The following LYPLAL1 variants were observed in gnomAD, a reference collection of about 807,000 sequenced individuals.
The protein encoded by LYPLAL1 is lysophospholipase-like protein 1.
In LYPLAL1, 23 loss-of-function variants were observed where a neutral mutation model predicts 19.7. The observed-to-expected ratio is 1.17, with a 90% CI of 0.84 to 1.65. The LOEUF is 1.65. Among genes scored for constraint, LYPLAL1 ranks in the 40% most tolerant of loss-of-function variants. The pLI, the probability that LYPLAL1 is intolerant of heterozygous loss-of-function variation, is 0.00. For missense variants in LYPLAL1, 355 were observed against 279.4 expected, an observed-to-expected ratio of 1.27 and a Z score of -1.93; for synonymous variants, 119 against 96.3, an observed-to-expected ratio of 1.24 and a Z score of -1.38.
chr1:219,219,369 C>T, the LYPLAL1 span, among the ~76,000 whole-genome samples: 2 of 152,134 alleles, frequency 1.3e-5, no homozygotes, highest in Non-Finnish European at 2.9e-5. Context: ...TGTGTTATTT[C>T]CTTAAATGCC....
At chr1:219,395,204 T>C in the LYPLAL1 span, among the ~76,000 whole-genome samples, 2 of 152,210 alleles carry the variant, frequency 1.3e-5, no homozygotes, top group African/African-American at 4.8e-5. Context: ...CGCCAAATTG[T>C]TTTCCATAAT....
chr1:219,220,684 TGAG>T, the LYPLAL1 span, among the ~76,000 whole-genome samples: 2 of 152,132 alleles, frequency 1.3e-5, no homozygotes, highest in Non-Finnish European at 2.9e-5. Flanking sequence ...AGTCGATTTT[TGAG>T]GAGAACGCCC....
chr1:219,262,478 G>T, the LYPLAL1 span, among the ~76,000 whole-genome samples: 1 of 152,084 alleles, frequency 6.6e-6, no homozygotes, highest in African/African-American at 2.4e-5. Flanking sequence ...CAGAGGAAAA[G>T]TCTGGAACTC....
the LYPLAL1 span, among the ~76,000 whole-genome samples, chr1:219,276,949 C>T: frequency 1.3e-5 from 2 of 152,130 alleles, no homozygotes; most frequent in South Asian, 2.1e-4. Flanking sequence ...CTAAGTTGCA[C>T]CATGGACTTG....
the LYPLAL1 span, among the ~76,000 whole-genome samples, chr1:219,245,472 C>T: frequency 2.0e-5 from 3 of 152,136 alleles, no homozygotes; most frequent in Non-Finnish European, 4.4e-5. Flanking sequence ...TCAACACAGG[C>T]ATTGAAATAA....
At chr1:219,266,800 C>T in the LYPLAL1 span, among the ~76,000 whole-genome samples, 3 of 152,070 alleles carry the variant, frequency 2.0e-5, no homozygotes, top group African/African-American at 7.2e-5. Flanking sequence ...ATATGCAGTC[C>T]GTTGTTGATG....
At chr1:219,325,716 T>C in the LYPLAL1 span, among the ~76,000 whole-genome samples, 1 of 152,218 alleles carries the variant, frequency 6.6e-6, no homozygotes, top group Admixed American at 6.5e-5. Flanking sequence ...CTGATTTAAT[T>C]GAGTGAATTA....
rs1657313871 is a variant in LYPLAL1, at chr1:219,193,066, G to T, written c.192-16G>T. 1.3e-6 allele frequency: 2 copies of T among 1,519,552 alleles called. No individual in the cohort carries two copies. Among genetic ancestry groups the T allele is most frequent in the Non-Finnish European group, 1.8e-6 (2 of 1,127,342 alleles). The allele number at this position is 1,519,552 out of a possible 1,614,324, so 94.1% of individuals were successfully genotyped here. A position where few individuals can be genotyped will look rare whatever the true frequency, so the allele number is the denominator to read the frequency against. ...TTTCCTTTCTTTTTTTTTGGGGGGGGGCGGTTGTTAAACAGATCATATACT... is the reference window on the plus strand; with the variant it reads ...TTTCCTTTCTTTTTTTTTGGGGGGGTGCGGTTGTTAAACAGATCATATACT... On this transcript the variant is annotated splice_polypyrimidine_tract_variant and intron_variant, in intron 2 of 4. Coordinates refer to ENST00000366928, the MANE Select transcript of LYPLAL1 (RefSeq NM_138794.5).
At chr1:219,412,838 A>G in the LYPLAL1 span, among the ~76,000 whole-genome samples, 33 of 152,240 alleles carry the variant, frequency 2.2e-4, no homozygotes, top group Non-Finnish European at 3.5e-4. Flanking sequence ...CTAAGAATTT[A>G]CATTAAGTAC....
At chr1:219,425,417 G>C in the LYPLAL1 span, among the ~76,000 whole-genome samples, 3 of 152,214 alleles carry the variant, frequency 2.0e-5, no homozygotes, top group Non-Finnish European at 2.9e-5. Flanking sequence ...AATATAAGCA[G>C]TAAGGTGCCA....
the LYPLAL1 span, among the ~76,000 whole-genome samples, chr1:219,309,106 C>A: frequency 1.3e-5 from 2 of 152,164 alleles, no homozygotes; most frequent in African/African-American, 2.4e-5. Context: ...CAAGGGCGAT[C>A]ATTTTGGAGC....
chr1:219,323,049 T>C, the LYPLAL1 span, among the ~76,000 whole-genome samples: 1 of 152,218 alleles, frequency 6.6e-6, no homozygotes, highest in Non-Finnish European at 1.5e-5. Flanking sequence ...TTAATTTCTA[T>C]AAGCAAGCAC....
chr1:219,380,549 A>C, the LYPLAL1 span, among the ~76,000 whole-genome samples: 4 of 152,216 alleles, frequency 2.6e-5, no homozygotes, highest in Non-Finnish European at 2.9e-5. Flanking sequence ...TCAGCCAACT[A>C]TGCCCTTGTG....
At chr1:219,337,783 C>G in the LYPLAL1 span, among the ~76,000 whole-genome samples, 2 of 152,092 alleles carry the variant, frequency 1.3e-5, no homozygotes, top group East Asian at 3.9e-4. Flanking sequence ...ACTGCCTTTG[C>G]ATAACAAGGA....
the LYPLAL1 span, among the ~76,000 whole-genome samples, chr1:219,297,291 T>C: frequency 6.6e-6 from 1 of 152,260 alleles, no homozygotes; most frequent in African/African-American, 2.4e-5. Context: ...ATGATGCTTG[T>C]ACATTTTGGT....
the LYPLAL1 span, among the ~76,000 whole-genome samples, chr1:219,419,366 A>G: frequency 2.6e-5 from 4 of 152,170 alleles, no homozygotes; most frequent in Non-Finnish European, 2.9e-5. Flanking sequence ...TCTCAGGACT[A>G]TGATGGGTGA....
chr1:219,433,498 A>C, the LYPLAL1 span, among the ~76,000 whole-genome samples: 1 of 152,230 alleles, frequency 6.6e-6, no homozygotes, highest in East Asian at 1.9e-4. Context: ...CTTCCAGAAA[A>C]TCATACTGTG....
At chr1:219,289,083 T>G in the LYPLAL1 span, among the ~76,000 whole-genome samples, 87 of 150,160 alleles carry the variant, frequency 5.8e-4, no homozygotes, top group South Asian at 3.6e-3. Context: ...GTTTTGTTTT[T>G]TTTGTTTTTT....
At chr1:219,285,342 C>T in the LYPLAL1 span, among the ~76,000 whole-genome samples, 1 of 152,104 alleles carries the variant, frequency 6.6e-6, no homozygotes, top group East Asian at 1.9e-4. Flanking sequence ...TGAAAGCACT[C>T]ATAAAACACT....
Sources: gnomAD v4.1 joint callset for allele counts (sites outside exome capture counted in the v4.1 genomes callset) on GRCh38, gnomAD v4.1.1 for gene constraint, MANE v1.5 for transcripts, NCBI Gene and HGNC (gene_info 2026-07-23, HGNC 2026-07-21) for gene names.